Variants in SCAPER observed in about 807,000 individuals in gnomAD.
SCAPER encodes the protein S phase cyclin A-associated protein in the endoplasmic reticulum.
A neutral mutation model predicts 182.2 loss-of-function variants in SCAPER; 98 were observed. The observed-to-expected ratio is 0.54, with a 90% CI of 0.46 to 0.64. The LOEUF is 0.64. Ranked by LOEUF, SCAPER falls within the 30% of genes least tolerant of loss-of-function variation. The pLI, the probability that SCAPER is intolerant of heterozygous loss-of-function variation, is 0.00. For missense variants in SCAPER, 1,432 were observed against 1,690.0 expected (o/e 0.85, Z 2.68); for synonymous variants, 605 against 564.6 (o/e 1.07, Z -1.01).
At chr15:76,700,659 G>C (rs2058892709) in intron 20 of SCAPER, among the ~76,000 whole-genome samples, 1 of 152,152 alleles carries the variant, frequency 6.6e-6, no homozygotes, top group Non-Finnish European at 1.5e-5. Context: ...CATCTAGTCA[G>C]CCATCTTGGC....
At position 76,399,734 on chromosome 15, in the gene SCAPER, G is replaced by A. The variant is rs992558505; in HGVS notation, c.3467+4790C>T. Among the ~76,000 whole-genome samples the A allele has an allele frequency of 1.3e-4, 20 of 152,240 alleles. 1 individual carries two copies. Among genetic ancestry groups the A allele is most frequent in the African/African-American group, 4.1e-4 (17 of 41,548 alleles). ...CTAGGTAAAAATTTGGCTGAGTAAG[G>A]TGGCTCAGGCCTATAATCCTAACAC... On this transcript the variant is annotated intron_variant, in intron 27 of 31. Transcript: ENST00000563290.
At chr15:76,812,622 A>G (rs2066724024) in intron 5 of SCAPER, among the ~76,000 whole-genome samples, 1 of 152,148 alleles carries the variant, frequency 6.6e-6, no homozygotes, top group Non-Finnish European at 1.5e-5. Flanking sequence ...GGACAATACA[A>G]CAGACGCCTT....
At chr15:76,497,676 A>T (rs2040689300) in intron 24 of SCAPER, among the ~76,000 whole-genome samples, 1 of 152,028 alleles carries the variant, frequency 6.6e-6, no homozygotes, top group South Asian at 2.1e-4. Context: ...GAACAGCCAA[A>T]TGAGTCAAGA....
intron 6 of SCAPER, among the ~76,000 whole-genome samples, chr15:76,803,792 C>T (rs2065950452): frequency 6.6e-6 from 1 of 152,196 alleles, no homozygotes; most frequent in Admixed American, 6.5e-5. Context: ...AATACTATCA[C>T]ATTGGTGATT....
At chr15:76,765,183 C>A in intron 13 of SCAPER, 111 bp from the exon 14 acceptor site, 2 of 1,058,044 alleles carry the variant, frequency 1.9e-6, no homozygotes, top group South Asian at 1.7e-5. Flanking sequence ...AATTTTGGCC[C>A]AACATTTCGG....
At chr15:76,902,886 G>C (rs924076633) in intron 1 of SCAPER, among the ~76,000 whole-genome samples, 4 of 151,920 alleles carry the variant, frequency 2.6e-5, no homozygotes, top group African/African-American at 9.7e-5. Context: ...GTGAAACCCG[G>C]TCTCTACTAA....
intron 25 of SCAPER, among the ~76,000 whole-genome samples, chr15:76,456,077 C>T (rs1366328363): frequency 6.6e-6 from 1 of 152,098 alleles, no homozygotes; most frequent in African/African-American, 2.4e-5. Context: ...CATTGATGAG[C>T]ATTTGGGTTG....
intron 15 of SCAPER, among the ~76,000 whole-genome samples, chr15:76,751,302 C>T (rs920790489): frequency 1.3e-5 from 2 of 151,698 alleles, no homozygotes; most frequent in Admixed American, 6.6e-5. Flanking sequence ...ATCAACAATA[C>T]ACAAAGTGAT....
At chr15:76,411,373 T>C (rs2045276977) in intron 26 of SCAPER, among the ~76,000 whole-genome samples, 1 of 152,090 alleles carries the variant, frequency 6.6e-6, no homozygotes, top group African/African-American at 2.4e-5. Flanking sequence ...AGATTTTGGA[T>C]TTTCAGATTT....
At chr15:76,510,413 C>A (rs577032187) in intron 23 of SCAPER, among the ~76,000 whole-genome samples, 1 of 152,038 alleles carries the variant, frequency 6.6e-6, no homozygotes, top group Admixed American at 6.5e-5. Flanking sequence ...AAACAAACAA[C>A]CCCATCAAAA....
At chr15:76,572,919 T>TCACACACACACACACACACA (rs58395846) in intron 23 of SCAPER, among the ~76,000 whole-genome samples, 58 of 135,264 alleles carry the variant, frequency 4.3e-4, no homozygotes, top group African/African-American at 1.5e-3. Flanking sequence ...TCTCTCTCTC[T>TCACACACACACACACACACA]CACACACACA....
chr15:76,568,633 T>C (rs1184210690), intron 23 of SCAPER, among the ~76,000 whole-genome samples: 1 of 152,130 alleles, frequency 6.6e-6, no homozygotes, highest in Non-Finnish European at 1.5e-5. Flanking sequence ...CTGGTCATAT[T>C]GTTCTTTTTC....
At chr15:76,891,891 C>T (rs929135056) in intron 1 of SCAPER, among the ~76,000 whole-genome samples, 5 of 152,140 alleles carry the variant, frequency 3.3e-5, no homozygotes, top group Non-Finnish European at 7.3e-5. Context: ...GCAAAAATAA[C>T]GAAGCTGGAG....
At chr15:76,439,375 AAG>A (rs1046840759) in intron 25 of SCAPER, among the ~76,000 whole-genome samples, 1 of 152,194 alleles carries the variant, frequency 6.6e-6, no homozygotes, top group Non-Finnish European at 1.5e-5. Flanking sequence ...ATTTGACAAA[AAG>A]AAACTTCAAG....
intron 7 of SCAPER, among the ~76,000 whole-genome samples, chr15:76,796,020 G>A (rs570480850): frequency 2.9e-4 from 44 of 152,144 alleles, no homozygotes; most frequent in African/African-American, 9.9e-4. Context: ...AAGACTGCAC[G>A]ACTGCACTCC....
At position 76,497,976 on chromosome 15, in the gene SCAPER, C is replaced by T. The variant is rs562246117; in HGVS notation, c.2954+6883G>A. ...ACTGCACTCCAGCCTGGTGATGGAG[C>T]GAGACTCCGTCTCAAAAAAAAAAAA... On this transcript the variant is annotated intron_variant, in intron 24 of 31. Coordinates refer to ENST00000563290, the MANE Select transcript of SCAPER (RefSeq NM_020843.4). Among the ~76,000 whole-genome samples the T allele has an allele frequency of 2.6e-4, 28 of 108,358 alleles. No homozygotes were observed. In the South Asian group the frequency reaches 6.9e-3, roughly 27 times the overall value. The allele number at this position is 108,358 out of a possible 152,430, so 71.1% of individuals were successfully genotyped here.
intron 26 of SCAPER, among the ~76,000 whole-genome samples, chr15:76,433,272 T>C (rs918827424): frequency 6.6e-6 from 1 of 152,068 alleles, no homozygotes; most frequent in African/African-American, 2.4e-5. Flanking sequence ...CTTTGGGAGA[T>C]GGAGGCGGGT....
At chr15:76,546,259 C>T (rs139309675) in intron 23 of SCAPER, among the ~76,000 whole-genome samples, 1 of 151,984 alleles carries the variant, frequency 6.6e-6, no homozygotes, top group South Asian at 2.1e-4. Flanking sequence ...TTGAGTACCA[C>T]TCCTTTTTAA....
intron 26 of SCAPER, among the ~76,000 whole-genome samples, chr15:76,425,101 G>A (rs2039568210): frequency 6.6e-6 from 1 of 152,086 alleles, no homozygotes; most frequent in Admixed American, 6.6e-5. Context: ...GTGTCTTGGA[G>A]TTGCTCTTCT....
Sources: allele counts gnomAD v4.1 joint callset (sites outside exome capture counted in the v4.1 genomes callset), GRCh38; gene constraint gnomAD v4.1.1; transcripts MANE v1.5; gene names NCBI Gene and HGNC (gene_info 2026-07-23, HGNC 2026-07-21).